The following VIT variants were observed in gnomAD, a reference collection of about 807,000 sequenced individuals.
The protein encoded by VIT is vitrin.
VIT carries 99 observed loss-of-function variants against 78.0 expected under a neutral mutation model. The observed-to-expected ratio is 1.27, with a 90% CI of 1.08 to 1.50. VIT has a LOEUF of 1.50. Among genes scored for constraint, VIT ranks in the 40% most tolerant of loss-of-function variants. The pLI is 0.00. For synonymous variants in VIT, 374 were observed against 334.3 expected (o/e 1.12, Z -1.29); for missense variants, 1,126 against 875.3 (o/e 1.29, Z -3.61).
chr2:36,774,340 C>G (rs1015788068), intron 8 of VIT, among the ~76,000 whole-genome samples: 1 of 152,078 alleles, frequency 6.6e-6, no homozygotes, highest in Non-Finnish European at 1.5e-5. Flanking sequence ...ATGGTTTGGC[C>G]GAAGAACTAG....
chr2:36,799,222 G>A (rs2148661331), intron 12 of VIT, among the ~76,000 whole-genome samples: 1 of 152,300 alleles, frequency 6.6e-6, no homozygotes, highest in Non-Finnish European at 1.5e-5. Context: ...TGGAGGAAAG[G>A]AAGCGGGGAG....
At chr2:36,746,592 T>C (rs1368522511) in intron 4 of VIT, among the ~76,000 whole-genome samples, 1 of 152,140 alleles carries the variant, frequency 6.6e-6, no homozygotes, top group East Asian at 1.9e-4. Context: ...TGCACAGAAG[T>C]CTTCAAAATA....
chr2:36,811,839 AT>A (rs973522521), intron 15 of VIT, among the ~76,000 whole-genome samples: 3 of 151,084 alleles, frequency 2.0e-5, no homozygotes, highest in African/African-American at 7.3e-5. Context: ...CACCCAGCTA[AT>A]TTTTTTTGTA....
chr2:36,728,137 G>A (rs1031723659), intron 2 of VIT, among the ~76,000 whole-genome samples: 1 of 151,682 alleles, frequency 6.6e-6, no homozygotes, highest in South Asian at 2.1e-4. Flanking sequence ...CACCATGTTG[G>A]CCACACTCGT....
chr2:36,786,036 G>A (rs1216491262), intron 11 of VIT, among the ~76,000 whole-genome samples: 1 of 152,200 alleles, frequency 6.6e-6, no homozygotes, highest in African/African-American at 2.4e-5. Flanking sequence ...AATGCACCGT[G>A]GAGAACATGG....
intron 14 of VIT, among the ~76,000 whole-genome samples, chr2:36,807,325 T>C (rs1666801804): frequency 6.6e-6 from 1 of 152,124 alleles, no homozygotes; most frequent in African/African-American, 2.4e-5. Flanking sequence ...GCCCATCTAT[T>C]ATGACCCCCC....
At position 36,731,065 on chromosome 2, in the gene VIT, T is replaced by C. The variant is rs182493605; in HGVS notation, c.118+1574T>C. On this transcript the variant is annotated intron_variant, in intron 3 of 15. Transcript: ENST00000379242. ...TCTCAGTCCAGTCTGAGGATTTAACTTGTAGCTTGCCTTTCAGGCTTTAAA... is the reference window on the plus strand; with the variant it reads ...TCTCAGTCCAGTCTGAGGATTTAACCTGTAGCTTGCCTTTCAGGCTTTAAA... Among the ~76,000 whole-genome samples the C allele has an allele frequency of 9.2e-4, 140 of 152,174 alleles. 1 individual carries two copies. Among genetic ancestry groups the C allele is most frequent in the African/African-American group, 3.2e-3 (134 of 41,528 alleles).
At chr2:36,761,478 C>T (rs1669114907) in intron 6 of VIT, among the ~76,000 whole-genome samples, 1 of 152,094 alleles carries the variant, frequency 6.6e-6, no homozygotes, top group Non-Finnish European at 1.5e-5. Context: ...CAGTGGCTCA[C>T]ACCTGTAATC....
At chr2:36,755,979 C>T (rs541700499) in intron 5 of VIT, among the ~76,000 whole-genome samples, 2 of 35,098 alleles carry the variant, frequency 5.7e-5, no homozygotes, top group African/African-American at 1.7e-4. Flanking sequence ...TTTTTTGAGA[C>T]GGAGTTTCAA....
At chr2:36,717,782 G>C (rs1023617099) in intron 2 of VIT, among the ~76,000 whole-genome samples, 1 of 152,162 alleles carries the variant, frequency 6.6e-6, no homozygotes, top group East Asian at 1.9e-4. Flanking sequence ...CTGTTAGTTT[G>C]CCAGGGCTGC....
rs36048308 is a variant in VIT, at chr2:36,808,723, G to T, written c.1641G>T (p.Thr547=). 0.014 allele frequency: 22,201 copies of T among 1,614,150 alleles called. 2,113 individuals carry two copies. In the African/African-American group the frequency reaches 0.23, roughly 17 times the overall value. The change falls in exon 15 of 16, where the codon ACG becomes ACT. Residue 547 remains threonine, a synonymous_variant. Coordinates refer to ENST00000379242, the MANE Select transcript of VIT (RefSeq NM_053276.4). ...TKEFEISDTD[T]RIGAVQYTYE... ...AGTTTGAGATTTCCGACACGGACAC[G>T]CGCATCGGGGCCGTGCAGTACACCT... is the stretch of plus-strand genomic sequence containing the variant.
intron 2 of VIT, 103 bp downstream of exon 2, chr2:36,716,525 AATAC>A (rs1666147175): frequency 1.0e-5 from 9 of 899,558 alleles, no homozygotes; most frequent in Non-Finnish European, 1.6e-5. Context: ...GCATATAAAC[AATAC>A]AGTGTATCAT....
intron 15 of VIT, among the ~76,000 whole-genome samples, chr2:36,809,957 C>T (rs1018226655): frequency 4.1e-5 from 6 of 144,774 alleles, no homozygotes; most frequent in African/African-American, 1.6e-4. Flanking sequence ...CACCACCACA[C>T]TCCAGCCTGG....
chr2:36,735,592 G>T (rs1667465605), intron 3 of VIT, among the ~76,000 whole-genome samples: 1 of 152,232 alleles, frequency 6.6e-6, no homozygotes, highest in South Asian at 2.1e-4. Flanking sequence ...TGGATGATGG[G>T]ATGTTGGCAG....
intron 2 of VIT, among the ~76,000 whole-genome samples, chr2:36,723,158 C>T (rs780332939): frequency 3.3e-5 from 5 of 152,082 alleles, no homozygotes; most frequent in African/African-American, 1.2e-4. Flanking sequence ...CTGAACACTT[C>T]ACAGGTAATT....
chr2:36,801,952 A>AT (rs1351692786), intron 13 of VIT, among the ~76,000 whole-genome samples: 1 of 152,096 alleles, frequency 6.6e-6, no homozygotes, highest in Non-Finnish European at 1.5e-5. Flanking sequence ...TGTCCTGACT[A>AT]TTTTTTTGTT....
intron 9 of VIT, among the ~76,000 whole-genome samples, chr2:36,777,977 A>G (rs1348386339): frequency 6.6e-6 from 1 of 152,140 alleles, no homozygotes; most frequent in Non-Finnish European, 1.5e-5. Context: ...TGATGCTGTC[A>G]TCCTCCTTTC....
At chr2:36,802,295 T>C (rs564371947) in intron 13 of VIT, among the ~76,000 whole-genome samples, 2 of 152,304 alleles carry the variant, frequency 1.3e-5, no homozygotes, top group South Asian at 4.1e-4. Context: ...AATGAAAGAT[T>C]GGCTTTTTGG....
rs1313710942 is a variant in VIT at position 36,781,808 on chromosome 2, T to C, written c.847+37T>C. The C allele has an allele frequency of 2.5e-6, 4 of 1,612,156 alleles. No individual in the cohort carries two copies. In the Admixed American group the frequency reaches 5.0e-5, roughly 20 times the overall value. On this transcript the variant is annotated intron_variant, in intron 10 of 15. Transcript: ENST00000379242. The stretch of plus-strand genomic sequence containing the variant: ...GCCCAACCTCTCAGCCACGCGTGGA[T>C]CAAGATGCGCAGGATAGCAGAACTA...
Sources: allele counts gnomAD v4.1 joint callset (sites outside exome capture counted in the v4.1 genomes callset), GRCh38; gene constraint gnomAD v4.1.1; transcripts MANE v1.5; gene names NCBI Gene and HGNC (gene_info 2026-07-23, HGNC 2026-07-21).